Variants in POLD3 observed in about 807,000 individuals in gnomAD.
POLD3 encodes the protein DNA polymerase delta 3, accessory subunit, also known as DNA polymerase delta subunit 3.
Under a neutral mutation model 58.2 loss-of-function variants are expected in POLD3, and 19 were observed. The observed-to-expected ratio is 0.33, with a 90% confidence interval of 0.23 to 0.48. The LOEUF is 0.48. Ranked by LOEUF, POLD3 falls within the 20% of genes least tolerant of loss-of-function variation. POLD3 has a pLI of 0.99. For missense variants in POLD3, 504 were observed against 545.5 expected (o/e 0.92, Z 0.76); for synonymous variants, 172 against 193.5 (o/e 0.89, Z 0.92).
Position 74,642,005 on chromosome 11 carries a change from A to AT in POLD3, c.*1243dup. Reference sequence around the variant, plus strand: ...AGTGGATTGCAGTGGTGTGCTGGTGATTTTGCACAGTGAGCTCTGCGGAAG... The same window carrying AT: ...AGTGGATTGCAGTGGTGTGCTGGTGATTTTTGCACAGTGAGCTCTGCGGAAG... On this transcript the variant is annotated 3_prime_UTR_variant, in exon 12 of 12. Coordinates refer to ENST00000263681, the MANE Select transcript of POLD3 (RefSeq NM_006591.3). The AT allele has an allele frequency of 1.0e-6, 1 of 985,398 alleles. No individual in the cohort carries two copies. The highest frequency in any genetic ancestry group is 1.2e-6 in the Non-Finnish European group (1 of 829,930). 61.0% of individuals were successfully genotyped at this position (985,398 alleles called of 1,614,324 possible). A position where few individuals can be genotyped will look rare whatever the true frequency, so the allele number is the denominator to read the frequency against.
intron 5 of POLD3, 94 bp from the exon 6 acceptor site, chr11:74,618,443 T>G: frequency 1.1e-6 from 1 of 873,736 alleles, no homozygotes; most frequent in Non-Finnish European, 1.8e-6. Flanking sequence ...AAAATAAAGT[T>G]TTATACTGAC....
intron 4 of POLD3, among the ~76,000 whole-genome samples, chr11:74,656,258 A>C (rs1370141470): frequency 6.6e-6 from 1 of 152,062 alleles, no homozygotes; most frequent in Non-Finnish European, 1.5e-5. Context: ...TGTATCCCAT[A>C]GGTTTTATAT....
intron 5 of POLD3, among the ~76,000 whole-genome samples, chr11:74,617,277 T>G (rs567789645): frequency 6.6e-6 from 1 of 152,346 alleles, no homozygotes; most frequent in East Asian, 1.9e-4. Flanking sequence ...ACCAATTTTC[T>G]TCTCTTGGCC....
At chr11:74,635,540 A>G (rs1231769024) in intron 10 of POLD3, among the ~76,000 whole-genome samples, 1 of 152,148 alleles carries the variant, frequency 6.6e-6, no homozygotes, top group Admixed American at 6.5e-5. Context: ...ATATCTGGGC[A>G]TGGTGGCACA....
intron 4 of POLD3, among the ~76,000 whole-genome samples, chr11:74,660,833 CT>C (rs1182418720): frequency 6.6e-6 from 1 of 151,946 alleles, no homozygotes; most frequent in East Asian, 1.9e-4. Context: ...TCAATGAAAC[CT>C]TTTTCTTTAT....
At chr11:74,606,670 A>G (rs1388146462) in intron 3 of POLD3, among the ~76,000 whole-genome samples, 4 of 152,190 alleles carry the variant, frequency 2.6e-5, no homozygotes, top group Admixed American at 2.6e-4. Flanking sequence ...TAGGATTCTT[A>G]GATGGTCTTC....
Position 74,592,611 on chromosome 11 carries a change from G to T in POLD3, c.-48G>T, listed in dbSNP as rs777563278. ...ACGTTTCCCGCCGGCGGGAGCTGTGGCTGTGATTGAGAGAGGGGTTAGAGG... is the reference window on the plus strand; with the variant it reads ...ACGTTTCCCGCCGGCGGGAGCTGTGTCTGTGATTGAGAGAGGGGTTAGAGG... On this transcript the variant is annotated 5_prime_UTR_variant, in exon 1 of 12. Transcript: ENST00000263681. 1.9e-6 allele frequency: 3 copies of T among 1,609,612 alleles called. No individual in the cohort carries two copies. Among genetic ancestry groups the T allele is most frequent in the South Asian group, 1.1e-5 (1 of 90,742 alleles).
chr11:74,597,409 T>C (rs2031312606), intron 2 of POLD3, among the ~76,000 whole-genome samples: 1 of 152,352 alleles, frequency 6.6e-6, no homozygotes, highest in Non-Finnish European at 1.5e-5. Flanking sequence ...TTTAAAAAAA[T>C]CATGGTTATC....
In POLD3 at chr11:74,604,791, T is replaced by A; in HGVS notation, c.216T>A (p.His72Gln). ...LVSGSLIQNG[H>Q]SCHKVAVVRE... Reference sequence around the variant, plus strand: ...CTGGCAGTCTCATTCAGAATGGACATTCCGTAAGTTCTCAGAGCCTTGTAA... The same window carrying A: ...CTGGCAGTCTCATTCAGAATGGACAATCCGTAAGTTCTCAGAGCCTTGTAA... The change falls in exon 3 of 12, where the codon CAT becomes CAA. Residue 72 changes from histidine (H) to glutamine (Q), a missense_variant. Around this residue, in one of 2 missense-constraint regions of POLD3, gnomAD observed 119 missense variants for 175.0 expected, o/e 0.68. Coordinates refer to ENST00000263681, the MANE Select transcript of POLD3 (RefSeq NM_006591.3). 6.5e-7 allele frequency: 1 copy of A among 1,529,922 alleles called. No individual in the cohort carries two copies. The highest frequency in any genetic ancestry group is 9.1e-7 in the Non-Finnish European group (1 of 1,103,044). 94.8% of individuals were successfully genotyped at this position (1,529,922 alleles called of 1,614,324 possible).
rs190190070 is a variant in POLD3, at chr11:74,607,869, A to G, written c.219+3075A>G. ...CTTCTCGGCCTTTCAAAGTGCTAGGATTACAGAAGTGAGCCACTGTGCCTG... is the reference window on the plus strand; with the variant it reads ...CTTCTCGGCCTTTCAAAGTGCTAGGGTTACAGAAGTGAGCCACTGTGCCTG... On this transcript the variant is annotated intron_variant, in intron 3 of 11. Coordinates refer to ENST00000263681, the MANE Select transcript of POLD3 (RefSeq NM_006591.3). 1.4e-4 allele frequency among the ~76,000 whole-genome samples: 21 copies of G among 152,248 alleles called. No homozygotes were observed. The East Asian group carries it at 4.1e-3, about 29-fold the overall frequency.
intron 7 of POLD3, 128 bp from the exon 8 acceptor site, chr11:74,625,280 A>G: frequency 1.7e-6 from 1 of 599,660 alleles, no homozygotes; most frequent in Non-Finnish European, 2.8e-6. Context: ...AATGTTTCTG[A>G]ATAGTCCATG....
chr11:74,662,641 T>A (rs879586951), intron 4 of POLD3, among the ~76,000 whole-genome samples: 1 of 151,662 alleles, frequency 6.6e-6, no homozygotes, highest in Non-Finnish European at 1.5e-5. Context: ...CTGCTTGGAG[T>A]TGGAGGAGGA....
At chr11:74,612,351 TG>T (rs2031942446) in intron 4 of POLD3, among the ~76,000 whole-genome samples, 1 of 152,208 alleles carries the variant, frequency 6.6e-6, no homozygotes, top group South Asian at 2.1e-4. Context: ...TACTAGGCAC[TG>T]GGGACATGGA....
At chr11:74,611,851 G>GT (rs2031924351) in intron 4 of POLD3, among the ~76,000 whole-genome samples, 1 of 152,168 alleles carries the variant, frequency 6.6e-6, no homozygotes, top group Non-Finnish European at 1.5e-5. Flanking sequence ...GACAGTGGCA[G>GT]TTTTTTTAGG....
intron 11 of POLD3, among the ~76,000 whole-genome samples, chr11:74,640,178 C>T (rs575958141): frequency 2.8e-3 from 422 of 152,200 alleles, no homozygotes; most frequent in Non-Finnish European, 4.5e-3. Flanking sequence ...AGAAGCCAGT[C>T]AAAGCATGGA....
At chr11:74,652,417 T>A (rs567889213) in intron 4 of POLD3, among the ~76,000 whole-genome samples, 1 of 152,230 alleles carries the variant, frequency 6.6e-6, no homozygotes, top group Non-Finnish European at 1.5e-5. Context: ...ATCATCAGTA[T>A]ATGACAGTGA....
intron 2 of POLD3, among the ~76,000 whole-genome samples, chr11:74,601,755 C>CT (rs2031507777): frequency 6.6e-6 from 1 of 152,090 alleles, no homozygotes; most frequent in Non-Finnish European, 1.5e-5. Flanking sequence ...GCACTTCAGC[C>CT]TGGGCGACAG....
downstream of POLD3, among the ~76,000 whole-genome samples, chr11:74,646,048 C>T (rs1385964105): frequency 6.6e-6 from 1 of 152,076 alleles, no homozygotes; most frequent in East Asian, 1.9e-4. Context: ...AAGCGATTCT[C>T]TGCAACCTCC....
At chr11:74,650,609 G>A (rs2033057005) in intron 4 of POLD3, among the ~76,000 whole-genome samples, 1 of 152,196 alleles carries the variant, frequency 6.6e-6, no homozygotes, top group South Asian at 2.1e-4. Flanking sequence ...AGTCACGCCT[G>A]CAGTTTGAGC....
Sources: gnomAD v4.1 joint callset for allele counts (sites outside exome capture counted in the v4.1 genomes callset) on GRCh38, gnomAD v4.1.1 for gene constraint, gnomAD v4.1.1 regional missense constraint, MANE v1.5 for transcripts, NCBI Gene and HGNC (gene_info 2026-07-23, HGNC 2026-07-21) for gene names.